RASA2: variants seen among roughly 807,000 people sequenced by gnomAD.
RASA2 encodes the protein RAS p21 protein activator 2.
Under a neutral mutation model 118.2 loss-of-function variants are expected in RASA2, and 155 were observed. That is an observed-to-expected ratio of 1.31 (90% CI 1.15 to 1.50). The LOEUF is 1.50. Ranked by LOEUF, RASA2 falls within the 40% of genes most tolerant of loss-of-function variation. RASA2 has a pLI of 0.00. For missense variants in RASA2, 1,016 were observed against 1,009.6 expected (o/e 1.01, Z -0.09); for synonymous variants, 353 against 349.1 (o/e 1.01, Z -0.12).
intron 5 of RASA2, among the ~76,000 whole-genome samples, chr3:141,545,697 C>T (rs2151106921): frequency 6.6e-6 from 1 of 152,076 alleles, no homozygotes; most frequent in South Asian, 2.1e-4. Context: ...GTGCCCACCT[C>T]AGCCTCCCAA....
intron 9 of RASA2, among the ~76,000 whole-genome samples, chr3:141,567,262 A>G (rs543428573): frequency 3.3e-5 from 5 of 152,220 alleles, no homozygotes; most frequent in African/African-American, 1.2e-4. Flanking sequence ...CTAAAAATAC[A>G]AAAATTAGCC....
chr3:141,588,022 TG>T (rs1341375517), intron 19 of RASA2, among the ~76,000 whole-genome samples: 1 of 152,220 alleles, frequency 6.6e-6, no homozygotes, highest in African/African-American at 2.4e-5. Context: ...CTGTCTTTCT[TG>T]TGTAAATATA....
chr3:141,601,384 G>A (rs939215919), intron 19 of RASA2, among the ~76,000 whole-genome samples: 3 of 151,880 alleles, frequency 2.0e-5, no homozygotes, highest in Non-Finnish European at 4.4e-5. Context: ...GCTGTGAGCC[G>A]AGATGGCATC....
intron 19 of RASA2, among the ~76,000 whole-genome samples, chr3:141,605,855 C>T (rs2083540553): frequency 6.6e-6 from 1 of 151,860 alleles, no homozygotes; most frequent in Non-Finnish European, 1.5e-5. Context: ...GAGGGAGGGA[C>T]AGGACAAGCT....
chr3:141,595,866 T>C (rs2083358026), intron 19 of RASA2, among the ~76,000 whole-genome samples: 1 of 152,054 alleles, frequency 6.6e-6, no homozygotes, highest in Non-Finnish European at 1.5e-5. Context: ...TGGACCCAAG[T>C]GATCCTCCTG....
Position 141,553,427 on chromosome 3 carries a change from A to T in RASA2, c.528-430A>T, listed in dbSNP as rs904345207. Among the ~76,000 whole-genome samples, 196 of 149,988 alleles carry T rather than the reference A, an allele frequency of 1.3e-3. 1 individual carries two copies. Among genetic ancestry groups the T allele is most frequent in the African/African-American group, 4.0e-3 (165 of 40,898 alleles). ...AGACTGTTTTGAATTTCTTATTCTT[A>T]TTTTTTTTTTGAGTATTTGCATTAT... On this transcript the variant is annotated intron_variant, in intron 5 of 23. Coordinates refer to ENST00000286364, the MANE Select transcript of RASA2 (RefSeq NM_006506.5).
rs191716029 is a variant in RASA2 at position 141,527,893 on chromosome 3, A to G, written c.356-1815A>G. Among the ~76,000 whole-genome samples, 136 of 152,070 alleles carry G rather than the reference A, an allele frequency of 8.9e-4. 1 individual carries two copies. Among genetic ancestry groups the G allele is most frequent in the Non-Finnish European group, 1.2e-3 (82 of 67,836 alleles). On this transcript the variant is annotated intron_variant, in intron 3 of 23. Coordinates refer to ENST00000286364, the MANE Select transcript of RASA2 (RefSeq NM_006506.5). ...CATTTTTATCTTAAATTTAACCAAA[A>G]AAGAACTAAAATACATTATTTCCCT...
rs1448832577 is a variant in RASA2, at chr3:141,573,200, A to G, written c.1338A>G (p.Gly446=). The G allele has an allele frequency of 1.3e-6, 2 of 1,541,352 alleles. No individual in the cohort carries two copies. Among genetic ancestry groups the G allele is most frequent in the East Asian group, 4.9e-5 (2 of 41,144 alleles). Reference sequence around the variant, plus strand: ...TCGATCCTATTAAATTGAAAGAGGGAGATAATGTAGAAAATAATAAGGTAA... The same window carrying G: ...TCGATCCTATTAAATTGAAAGAGGGGGATAATGTAGAAAATAATAAGGTAA... ...CEIDPIKLKE[G]DNVENNKENL... The change falls in exon 13 of 24, where the codon GGA becomes GGG. Residue 446 remains glycine (G), a synonymous_variant. Coordinates refer to ENST00000286364, the MANE Select transcript of RASA2 (RefSeq NM_006506.5).
At chr3:141,534,909 C>T (rs981035041) in intron 4 of RASA2, among the ~76,000 whole-genome samples, 29 of 151,940 alleles carry the variant, frequency 1.9e-4, no homozygotes, top group African/African-American at 6.5e-4. Context: ...ATCTGATGGG[C>T]GATTGTGTCC....
chr3:141,594,461 C>G, intron 19 of RASA2, among the ~76,000 whole-genome samples: 1 of 151,882 alleles, frequency 6.6e-6, no homozygotes, highest in African/African-American at 2.4e-5. Flanking sequence ...GCATGATAAA[C>G]GCAAAGGAAA....
chr3:141,547,522 C>CTCACTGTATG (rs1283066418), intron 5 of RASA2, among the ~76,000 whole-genome samples: 5 of 152,160 alleles, frequency 3.3e-5, no homozygotes. Flanking sequence ...ATACAGAAAC[C>CTCACTGTATG]CCACTGATTT....
At chr3:141,504,246 G>A (rs1203964408) in intron 1 of RASA2, among the ~76,000 whole-genome samples, 8 of 152,150 alleles carry the variant, frequency 5.3e-5, no homozygotes. Flanking sequence ...TGCTCCCATT[G>A]TGATTTTGTA....
chr3:141,574,023 A>G lies in RASA2; in HGVS notation c.1439A>G (p.Asp480Gly), dbSNP rs769162056. 2.5e-6 allele frequency: 4 copies of G among 1,592,416 alleles called. No individual in the cohort carries two copies. Among genetic ancestry groups the G allele is most frequent in the Non-Finnish European group, 3.4e-6 (4 of 1,165,250 alleles). ...SSMSCPTVMC[D>G]IFYSLRQMAT... ...ATGAGCTGCCCCACTGTAATGTGTG[A>G]TATCTTTTATTCTCTAAGGCAGATG... Residue 480 changes from aspartate (D) to glycine (G), a missense_variant, in exon 14 of 24, where the codon GAT (aspartate) becomes GGT (glycine). By Grantham distance (94) the Asp-to-Gly change is moderately conservative. Transcript: ENST00000286364.
intron 5 of RASA2, among the ~76,000 whole-genome samples, chr3:141,549,955 C>T (rs1350777861): frequency 6.6e-6 from 1 of 152,108 alleles, no homozygotes; most frequent in African/African-American, 2.4e-5. Context: ...TGGATTAAAA[C>T]TTATAGAATA....
intron 3 of RASA2, among the ~76,000 whole-genome samples, chr3:141,522,735 C>T (rs1157023170): frequency 6.6e-6 from 1 of 152,138 alleles, no homozygotes; most frequent in African/African-American, 2.4e-5. Context: ...CTGTGTGATA[C>T]TTCTTCACCC....
At chr3:141,492,057 CTG>C (rs2081645531) in intron 1 of RASA2, among the ~76,000 whole-genome samples, 1 of 152,128 alleles carries the variant, frequency 6.6e-6, no homozygotes, top group South Asian at 2.1e-4. Context: ...TGGATAGAAA[CTG>C]GGGAGAAAAG....
At position 141,523,151 on chromosome 3, in the gene RASA2, C is replaced by T. The variant is rs573992040; in HGVS notation, c.356-6557C>T. On this transcript the variant is annotated intron_variant, in intron 3 of 23. Coordinates refer to ENST00000286364, the MANE Select transcript of RASA2 (RefSeq NM_006506.5). ...AATCCCATTTTTTTTTTTTTTGAGA[C>T]GAAGACTTGCCCTGTTGTCCAGGCT... Among the ~76,000 whole-genome samples, 9 of 147,696 alleles carry T rather than the reference C, an allele frequency of 6.1e-5. No homozygotes were observed. In the East Asian group the frequency reaches 7.9e-4, roughly 13 times the overall value.
chr3:141,524,756 A>T (rs1357170738), intron 3 of RASA2, among the ~76,000 whole-genome samples: 3 of 151,880 alleles, frequency 2.0e-5, no homozygotes, highest in African/African-American at 7.3e-5. Flanking sequence ...ACGCTCGGCT[A>T]ATTTTTTGTA....
At chr3:141,487,507 G>A (rs999364880) in intron 1 of RASA2, among the ~76,000 whole-genome samples, 1 of 151,878 alleles carries the variant, frequency 6.6e-6, no homozygotes, top group Non-Finnish European at 1.5e-5. Context: ...CGTGGGGAGC[G>A]GCCTGGACGC....
Sources: gnomAD v4.1 joint callset for allele counts (sites outside exome capture counted in the v4.1 genomes callset) on GRCh38, gnomAD v4.1.1 for gene constraint, MANE v1.5 for transcripts, NCBI Gene and HGNC (gene_info 2026-07-23, HGNC 2026-07-21) for gene names.